The following L3MBTL1 variants were observed in gnomAD, a reference collection of about 807,000 sequenced individuals.
L3MBTL1 encodes lethal(3)malignant brain tumor-like protein 1.
L3MBTL1 carries 75 observed loss-of-function variants against 105.3 expected under a neutral mutation model. That is an observed-to-expected ratio of 0.71 (90% confidence interval 0.59 to 0.86). L3MBTL1 has a LOEUF of 0.86. Among genes scored for constraint, L3MBTL1 ranks in the 40% least tolerant of loss-of-function variants. The pLI is 0.00. For missense variants in L3MBTL1, 1,069 were observed against 1,126.4 expected, an observed-to-expected ratio of 0.95 and a Z score of 0.73; for synonymous variants, 452 against 436.2, an observed-to-expected ratio of 1.04 and a Z score of -0.45.
intron 10 of L3MBTL1, 132 bp downstream of exon 10, chr20:43,530,551 A>T (rs191896878): frequency 9.3e-7 from 1 of 1,071,380 alleles, no homozygotes; most frequent in Admixed American, 2.7e-5. Context: ...GCCTCTCTTC[A>T]TCGCATCCTG....
chr20:43,509,083 AG>A (rs2018064065), intron 1 of L3MBTL1, among the ~76,000 whole-genome samples: 1 of 152,166 alleles, frequency 6.6e-6, no homozygotes. Context: ...ACTCCTTCTC[AG>A]TCCCTTTTGC....
Position 43,541,332 on chromosome 20 carries a change from C to G in L3MBTL1, c.*204C>G, listed in dbSNP as rs2019906680. The G allele has an allele frequency of 1.0e-6, 1 of 990,404 alleles. No individual in the cohort carries two copies. The highest frequency in any genetic ancestry group is 1.4e-6 in the Non-Finnish European group (1 of 704,426). 61.4% of individuals were successfully genotyped at this position (990,404 alleles called of 1,614,324 possible). Reference sequence around the variant, plus strand: ...CAGTTCTGTCAATTTGAGCTGTTTACTGTCTCTGAGCCTACATCTTCTTGT... The same window carrying G: ...CAGTTCTGTCAATTTGAGCTGTTTAGTGTCTCTGAGCCTACATCTTCTTGT... On this transcript the variant is annotated 3_prime_UTR_variant, in exon 22 of 22. Coordinates refer to ENST00000418998, the MANE Select transcript of L3MBTL1 (RefSeq NM_001377303.1).
In L3MBTL1 at chr20:43,514,686, C is replaced by T. The variant is rs1315414042; in HGVS notation, c.412C>T (p.Pro138Ser). ...GAACATGGCGGGAGTGGAGCAGCCC[C>T]CGAGCCCCGAGCTGCGGCAGGAAGG... ...PLNMAGVEQP[P>S]SPELRQEGVT... Residue 138 changes from proline (P) to serine (S), a missense_variant, in exon 4 of 22, where the codon CCG (proline) becomes TCG (serine). Coordinates refer to ENST00000418998, the MANE Select transcript of L3MBTL1 (RefSeq NM_001377303.1). 3 of 1,587,264 alleles carry T rather than the reference C, an allele frequency of 1.9e-6. No individual in the cohort carries two copies. Among genetic ancestry groups the T allele is most frequent in the Admixed American group, 1.8e-5 (1 of 54,972 alleles).
intron 6 of L3MBTL1, chr20:43,515,677 A>G (rs1600897310): frequency 2.0e-5 from 10 of 491,732 alleles, no homozygotes; most frequent in Middle Eastern, 1.1e-3. Context: ...CTAGCACCCA[A>G]AGTACATGTG....
At chr20:43,548,025 CATGCACA>C in intron 18 of L3MBTL1, 5 of 931,178 alleles carry the variant, frequency 5.4e-6, no homozygotes, top group South Asian at 4.7e-5. Context: ...CCCCATTCCC[CATGCACA>C]CCCCTCCCTT....
At chr20:43,547,842 G>C (rs1410812581) in intron 18 of L3MBTL1, among the ~76,000 whole-genome samples, 1 of 152,208 alleles carries the variant, frequency 6.6e-6, no homozygotes, top group Non-Finnish European at 1.5e-5. Flanking sequence ...AAGAGAGAAA[G>C]AGAACAAGTG....
chr20:43,515,337 G>A lies in L3MBTL1; in HGVS notation c.699G>A (p.Glu233=), dbSNP rs1179601166. 2 of 1,584,624 alleles carry A rather than the reference G, an allele frequency of 1.3e-6. No individual in the cohort carries two copies. Residue 233 remains glutamate (E), a synonymous_variant, in exon 6 of 22, where the codon GAG becomes GAA. Transcript: ENST00000418998. ...CCTCAGGCTCTACCAGCGCTTCTGAGCTCCTCAAACCCATGAAGAAGAGGA... is the reference window on the plus strand; with the variant it reads ...CCTCAGGCTCTACCAGCGCTTCTGAACTCCTCAAACCCATGAAGAAGAGGA... The part of the protein sequence containing the change: ...ENSSGSTSAS[E]LLKPMKKRKR...
rs746702637 is a variant in L3MBTL1, at chr20:43,515,048, A to AC, written c.548dup (p.Glu184ArgfsTer3). On this transcript the variant is annotated frameshift_variant, in exon 5 of 22. Transcript: ENST00000418998. LOFTEE classifies it high-confidence loss of function. ...AATCCTCCAGAAGATCCCAATCAGG[A>AC]CCCCCCAGAGGATGATAGCACCTGT... 21 of 1,613,766 alleles carry AC rather than the reference A, an allele frequency of 1.3e-5. 1 individual carries two copies. The highest frequency in any genetic ancestry group is 1.3e-5 in the African/African-American group (1 of 74,842).
In L3MBTL1 at chr20:43,522,981, G is replaced by A. The variant is rs143599679; in HGVS notation, c.863-5676G>A. ...AAATTAGCTGGGCATGGTGGTGCAC[G>A]CCTGTAATCCCAGCTACTCAGGAGG... On this transcript the variant is annotated intron_variant, in intron 7 of 21. Transcript: ENST00000418998. Among the ~76,000 whole-genome samples, 878 of 151,444 alleles carry A rather than the reference G, an allele frequency of 5.8e-3. 14 individuals carry two copies. Among genetic ancestry groups the A allele is most frequent in the African/African-American group, 0.019 (783 of 41,260 alleles).
chr20:43,539,784 T>G, intron 19 of L3MBTL1: 1 of 337,430 alleles, frequency 3.0e-6, no homozygotes. Flanking sequence ...AGGCTGAGCT[T>G]GTTTGGATGT....
exon 19 of L3MBTL1, chr20:43,550,341 G>A (rs181200863): frequency 1.1e-3 from 166 of 152,338 alleles, no homozygotes; most frequent in African/African-American, 3.5e-3. Flanking sequence ...AGCACCTAAT[G>A]CTTGCCTGTG....
intron 1 of L3MBTL1, among the ~76,000 whole-genome samples, chr20:43,511,117 C>T (rs952132099): frequency 6.6e-6 from 1 of 151,884 alleles, no homozygotes; most frequent in Non-Finnish European, 1.5e-5. Flanking sequence ...ACGATCTCGG[C>T]TCACTGCAAC....
intron 14 of L3MBTL1, 59 bp from the exon 15 acceptor site, chr20:43,534,225 T>C: frequency 1.9e-6 from 3 of 1,569,432 alleles, no homozygotes; most frequent in Non-Finnish European, 2.6e-6. Context: ...GGGCTCCCTC[T>C]GTGGGGCTCA....
intron 6 of L3MBTL1, 141 bp from the exon 7 acceptor site, chr20:43,515,952 G>A: frequency 1.6e-6 from 1 of 629,724 alleles, no homozygotes; most frequent in East Asian, 2.8e-5. Context: ...CTGCACTCCT[G>A]CTGGCGGCCT....
chr20:43,516,875 C>G (rs1160432140), intron 7 of L3MBTL1, among the ~76,000 whole-genome samples: 1 of 152,000 alleles, frequency 6.6e-6, no homozygotes, highest in Non-Finnish European at 1.5e-5. Flanking sequence ...CTCACTGAAG[C>G]CTTGACCTCC....
At chr20:43,518,876 AAAAG>A in intron 7 of L3MBTL1, among the ~76,000 whole-genome samples, 1 of 144,170 alleles carries the variant, frequency 6.9e-6, no homozygotes, top group African/African-American at 2.5e-5. Flanking sequence ...AAAAAAAAAA[AAAAG>A]CCAGGCATGG....
At chr20:43,522,241 G>A (rs922323326) in intron 7 of L3MBTL1, among the ~76,000 whole-genome samples, 9 of 152,020 alleles carry the variant, frequency 5.9e-5, no homozygotes, top group Admixed American at 4.6e-4. Context: ...TGTAGTCCCA[G>A]CTACTCAGGA....
In L3MBTL1 at chr20:43,530,302, C is replaced by T. The variant is rs759496724; in HGVS notation, c.1075C>T (p.Arg359Cys). Residue 359 changes from arginine (R) to cysteine (C), a missense_variant, in exon 10 of 22, where the codon CGC becomes TGC. Arg to Cys is a radical substitution (Grantham distance 180, BLOSUM62 -3). Coordinates refer to ENST00000418998, the MANE Select transcript of L3MBTL1 (RefSeq NM_001377303.1). The stretch of plus-strand genomic sequence containing the variant: ...GGGCCAGGTATGTGGCTATCGCCTA[C>T]GCCTGCACTTTGATGGGTATTCTGA... ...TVAEVCGYRL[R>C]LHFDGYSECH... 4.4e-5 allele frequency: 71 copies of T among 1,614,000 alleles called. No homozygotes were observed. The highest frequency in any genetic ancestry group is 5.5e-5 in the South Asian group (5 of 91,080).
rs771702692 is a variant in L3MBTL1, at chr20:43,535,857, G to C, written c.1846G>C (p.Ala616Pro). 1.2e-6 allele frequency: 2 copies of C among 1,602,482 alleles called. No homozygotes were observed. The highest frequency in any genetic ancestry group is 2.7e-5 in the African/African-American group (2 of 74,094). ...TTTAGGACCCAGAGAGCCCAGCTCT[G>C]CCTCCCCTGGGGGCTGTCCCCCTCT... ...PPLGPREPSS[A>P]SPGGCPPLSY... The change falls in exon 17 of 22, where the codon GCC (alanine) becomes CCC (proline). Residue 616 changes from alanine to proline, a missense_variant. Transcript: ENST00000418998.
Sources: gnomAD v4.1 joint callset for allele counts (sites outside exome capture counted in the v4.1 genomes callset) on GRCh38, gnomAD v4.1.1 for gene constraint, MANE v1.5 for transcripts, NCBI Gene and HGNC (gene_info 2026-07-23, HGNC 2026-07-21) for gene names.